GABBR2: variants seen among roughly 807,000 people sequenced by gnomAD.
The protein encoded by GABBR2 is gamma-aminobutyric acid type B receptor subunit 2.
GABBR2 carries 23 observed loss-of-function variants against 105.6 expected under a neutral mutation model. The ratio of observed to expected loss-of-function variants is 0.22; its 90% CI spans 0.16 to 0.31. The LOEUF (loss-of-function observed/expected upper bound fraction) is 0.31, where lower values mean the gene tolerates loss of function less well. Ranked by LOEUF, GABBR2 falls within the 10% of genes least tolerant of loss-of-function variation. The pLI is 1.00. For missense variants in GABBR2, 734 were observed against 1,245.5 expected (o/e 0.59, Z 6.18); for synonymous variants, 478 against 499.7 (o/e 0.96, Z 0.58).
chr9:98,641,120 T>C (rs1829954998), intron 1 of GABBR2, among the ~76,000 whole-genome samples: 2 of 123,926 alleles, frequency 1.6e-5, no homozygotes, highest in South Asian at 5.7e-4. Context: ...CACAAAAATC[T>C]GTGGTTTGGT....
intron 1 of GABBR2, among the ~76,000 whole-genome samples, chr9:98,685,744 G>A (rs141168090): frequency 9.7e-4 from 147 of 152,240 alleles, no homozygotes; most frequent in Middle Eastern, 3.4e-3. Flanking sequence ...CCAGGCTGGA[G>A]TGCAATGGCA....
intron 9 of GABBR2, among the ~76,000 whole-genome samples, chr9:98,393,010 ACACCCATCCATGCATC>A (rs1184113402): frequency 1.0e-5 from 1 of 97,214 alleles, no homozygotes; most frequent in Non-Finnish European, 1.9e-5. Context: ...GCCCATTCAC[ACACCCATCCATGCATC>A]CACCCATCCA....
intron 1 of GABBR2, among the ~76,000 whole-genome samples, chr9:98,699,731 C>G (rs549593722): frequency 3.9e-5 from 6 of 152,238 alleles, no homozygotes; most frequent in African/African-American, 1.4e-4. Flanking sequence ...ACTAACCCAG[C>G]ACCAAACCCA....
At chr9:98,582,387 G>A (rs1829015005) in intron 1 of GABBR2, among the ~76,000 whole-genome samples, 1 of 152,168 alleles carries the variant, frequency 6.6e-6, no homozygotes, top group Non-Finnish European at 1.5e-5. Flanking sequence ...TAACCAGAAT[G>A]AGCCTGGAAG....
chr9:98,475,404 T>A (rs560333997), intron 5 of GABBR2, among the ~76,000 whole-genome samples: 3 of 151,766 alleles, frequency 2.0e-5, no homozygotes, highest in African/African-American at 7.2e-5. Context: ...GGCTGGGGAC[T>A]AGACTTTTGA....
At chr9:98,676,804 G>A (rs539353532) in intron 1 of GABBR2, among the ~76,000 whole-genome samples, 42 of 152,320 alleles carry the variant, frequency 2.8e-4, no homozygotes, top group Admixed American at 2.1e-3. Context: ...TACTGAAGCC[G>A]CTGTATTTTT....
At chr9:98,662,673 T>C (rs1830279812) in intron 1 of GABBR2, among the ~76,000 whole-genome samples, 1 of 152,120 alleles carries the variant, frequency 6.6e-6, no homozygotes, top group South Asian at 2.1e-4. Context: ...CAGGTCAATT[T>C]ACCTGAAGAC....
intron 2 of GABBR2, among the ~76,000 whole-genome samples, chr9:98,549,776 C>T (rs1424669004): frequency 6.6e-6 from 1 of 152,144 alleles, no homozygotes; most frequent in African/African-American, 2.4e-5. Context: ...ACATCCTGGC[C>T]CACAGAAGAT....
chr9:98,431,901 A>G (rs1391461871), intron 7 of GABBR2, among the ~76,000 whole-genome samples: 1 of 151,408 alleles, frequency 6.6e-6, no homozygotes. Flanking sequence ...TTATTTTATT[A>G]TCACTATTTT....
At chr9:98,459,618 T>C (rs1187412193) in intron 6 of GABBR2, among the ~76,000 whole-genome samples, 3 of 152,214 alleles carry the variant, frequency 2.0e-5, no homozygotes, top group Non-Finnish European at 4.4e-5. Flanking sequence ...ATTTGATAAT[T>C]AAGCTGCATA....
At chr9:98,616,001 C>T (rs1437188077) in intron 1 of GABBR2, among the ~76,000 whole-genome samples, 2 of 152,206 alleles carry the variant, frequency 1.3e-5, no homozygotes, top group African/African-American at 4.8e-5. Flanking sequence ...ATTAAATTCA[C>T]ACATGCAAAG....
chr9:98,493,443 G>C (rs997209786), intron 4 of GABBR2, among the ~76,000 whole-genome samples: 2 of 152,070 alleles, frequency 1.3e-5, no homozygotes, highest in African/African-American at 4.8e-5. Context: ...TTTTCCCTTA[G>C]GAAAACTCCC....
chr9:98,340,194 T>TG (rs995896467), intron 13 of GABBR2, among the ~76,000 whole-genome samples: 3 of 151,870 alleles, frequency 2.0e-5, no homozygotes, highest in African/African-American at 7.3e-5. Flanking sequence ...TTTTTTTTTT[T>TG]TTTTTGTTAC....
intron 1 of GABBR2, among the ~76,000 whole-genome samples, chr9:98,639,487 A>G (rs1564138132): frequency 6.6e-6 from 1 of 152,138 alleles, no homozygotes; most frequent in Non-Finnish European, 1.5e-5. Flanking sequence ...GGGAGAGGAA[A>G]AACAGCACAC....
At chr9:98,663,139 A>G (rs1038628725) in intron 1 of GABBR2, among the ~76,000 whole-genome samples, 4 of 152,162 alleles carry the variant, frequency 2.6e-5, no homozygotes, top group African/African-American at 9.7e-5. Context: ...AGTGAAGTAG[A>G]AATGCCAGAA....
chr9:98,393,129 A>ACCAT (rs1393330410), intron 9 of GABBR2, among the ~76,000 whole-genome samples: 2 of 90,724 alleles, frequency 2.2e-5, no homozygotes, highest in Non-Finnish European at 4.3e-5. Context: ...CATCCACCCA[A>ACCAT]CCATCCATCC....
At chr9:98,323,455 G>A (rs1830861701) in intron 13 of GABBR2, among the ~76,000 whole-genome samples, 1 of 152,228 alleles carries the variant, frequency 6.6e-6, no homozygotes, top group Non-Finnish European at 1.5e-5. Context: ...TGGCCTAGGA[G>A]TGCCTGTTCA....
chr9:98,549,465 C>G (rs1480297205), intron 2 of GABBR2, among the ~76,000 whole-genome samples: 1 of 152,082 alleles, frequency 6.6e-6, no homozygotes, highest in Non-Finnish European at 1.5e-5. Flanking sequence ...CTGACTTAAC[C>G]AAATATGTGG....
chr9:98,451,063 G>A (rs1301460868), intron 7 of GABBR2, among the ~76,000 whole-genome samples: 1 of 152,164 alleles, frequency 6.6e-6, no homozygotes, highest in African/African-American at 2.4e-5. Flanking sequence ...GTGGGACCCT[G>A]GGTGAATCCC....
Sources: gnomAD v4.1 joint callset for allele counts (sites outside exome capture counted in the v4.1 genomes callset) on GRCh38, gnomAD v4.1.1 for gene constraint, MANE v1.5 for transcripts, NCBI Gene and HGNC (gene_info 2026-07-23, HGNC 2026-07-21) for gene names.